WDR33: variants seen among roughly 807,000 people sequenced by gnomAD.
WDR33 encodes pre-mRNA 3' end processing protein WDR33.
A neutral mutation model predicts 164.9 loss-of-function variants in WDR33; 47 were observed. The ratio of observed to expected loss-of-function variants is 0.29; its 90% CI spans 0.23 to 0.36. WDR33 has a LOEUF of 0.36. Ranked by LOEUF, WDR33 falls within the 10% of genes least tolerant of loss-of-function variation. WDR33 has a pLI of 1.00. For missense variants in WDR33, 1,137 were observed against 1,754.1 expected, an observed-to-expected ratio of 0.65 and a Z score of 6.28; for synonymous variants, 505 against 589.0, an observed-to-expected ratio of 0.86 and a Z score of 2.06.
Position 127,722,845 on chromosome 2 carries a change from T to A in WDR33, c.1378+113A>T. On this transcript the variant is annotated intron_variant, in intron 13 of 21. Transcript: ENST00000322313. This position sits in a 1 kb window ranked among gnomAD's most constrained non-coding sequence, Gnocchi z 5.1. ...AGTATTATGTCATTTATATAATTTTTATCAACATTTCTCAACATAAATCAT... is the reference window on the plus strand; with the variant it reads ...AGTATTATGTCATTTATATAATTTTAATCAACATTTCTCAACATAAATCAT... The A allele has an allele frequency of 1.4e-6, 2 of 1,409,822 alleles. No homozygotes were observed. The highest frequency in any genetic ancestry group is 1.9e-6 in the Non-Finnish European group (2 of 1,044,050). 87.3% of individuals were successfully genotyped at this position (1,409,822 alleles called of 1,614,324 possible). A position where few individuals can be genotyped will look rare whatever the true frequency, so the allele number is the denominator to read the frequency against.
rs1198125286 is a variant in WDR33 at position 127,705,685 on chromosome 2, TA to T, written c.*637del. ...TTCCATCTGTCAGAGCATGTCTGAA[TA>T]AAAATTTGAACCTACTACAAACTAC... On this transcript the variant is annotated 3_prime_UTR_variant, in exon 22 of 22. Transcript: ENST00000322313. The surrounding 1 kb of genome is among the most constrained non-coding windows in gnomAD (Gnocchi z 4.5). 6.6e-6 allele frequency: 1 copy of T among 152,254 alleles called. No homozygotes were observed. Among genetic ancestry groups the T allele is most frequent in the East Asian group, 1.9e-4 (1 of 5,204 alleles). The allele number at this position is 152,254 out of a possible 1,614,324, so 9.4% of individuals were successfully genotyped here.
At chr2:127,804,048 G>A (rs1689348397) in intron 1 of WDR33, among the ~76,000 whole-genome samples, 1 of 152,154 alleles carries the variant, frequency 6.6e-6, no homozygotes, top group South Asian at 2.1e-4. Flanking sequence ...GGGACCGGGT[G>A]CGGTGGCTCA....
At chr2:127,774,545 T>C (rs1032197239) in intron 1 of WDR33, among the ~76,000 whole-genome samples, 8 of 152,048 alleles carry the variant, frequency 5.3e-5, no homozygotes, top group African/African-American at 1.9e-4. Context: ...AAAACCATTA[T>C]GCTGCCAGGC....
At chr2:127,736,252 C>A in intron 7 of WDR33, 3 of 985,348 alleles carry the variant, frequency 3.0e-6, no homozygotes, top group Non-Finnish European at 3.6e-6. Context: ...CAATGATGAA[C>A]CTGAATTCAG....
At position 127,709,777 on chromosome 2, in the gene WDR33, A is replaced by C. The variant is rs1334852134; in HGVS notation, c.3388T>G (p.Phe1130Val). 118 of 1,614,022 alleles carry C rather than the reference A, an allele frequency of 7.3e-5. No individual in the cohort carries two copies. Among genetic ancestry groups the C allele is most frequent in the Non-Finnish European group, 9.8e-5 (116 of 1,180,032 alleles). ...GRDGFPGPED[F>V]GPEENFDASE... ...GCATCAAAATTCTCCTCTGGACCAA[A>C]GTCTTCAGGACCAGGAAAACCATCC... The change falls in exon 19 of 22, where the codon TTT becomes GTT. Residue 1130 changes from phenylalanine to valine, a missense_variant. Phe to Val is a conservative substitution (Grantham distance 50, BLOSUM62 -1). Around this residue, in one of 9 missense-constraint regions of WDR33, gnomAD observed 867 missense variants for 1,073.0 expected, o/e 0.81. Coordinates refer to ENST00000322313, the MANE Select transcript of WDR33 (RefSeq NM_018383.5). The surrounding 1 kb of genome is among the most constrained non-coding windows in gnomAD (Gnocchi z 5.0).
rs1686365510 is a variant in WDR33 at position 127,719,215 on chromosome 2, G to A, written c.2760+50C>T. 2.2e-6 allele frequency: 3 copies of A among 1,386,142 alleles called. No homozygotes were observed. The highest frequency in any genetic ancestry group is 2.8e-6 in the Non-Finnish European group (3 of 1,071,696). 85.9% of individuals were successfully genotyped at this position (1,386,142 alleles called of 1,614,324 possible). On this transcript the variant is annotated intron_variant, in intron 16 of 21. Transcript: ENST00000322313. The surrounding 1 kb of genome is among the most constrained non-coding windows in gnomAD (Gnocchi z 6.5). Reference sequence around the variant, plus strand: ...CACAATACTCAGCAGTATTACTTCTGTGCAGAGTGTATTTTCCCAATGTGC... The same window carrying A: ...CACAATACTCAGCAGTATTACTTCTATGCAGAGTGTATTTTCCCAATGTGC...
chr2:127,746,583 C>T lies in WDR33; in HGVS notation c.724+16479G>A, dbSNP rs149997479. Among the ~76,000 whole-genome samples, 94 of 152,240 alleles carry T rather than the reference C, an allele frequency of 6.2e-4. 1 individual carries two copies. The East Asian group carries it at 0.013, about 21-fold the overall frequency. On this transcript the variant is annotated intron_variant, in intron 7 of 21. Coordinates refer to ENST00000322313, the MANE Select transcript of WDR33 (RefSeq NM_018383.5). ...GGTATCATTAGCTCTCCTTTACAGA[C>T]GAGGAGAGGCAAGCTGAGAAAGACT...
intron 7 of WDR33, among the ~76,000 whole-genome samples, chr2:127,747,184 A>G (rs186370608): frequency 3.3e-5 from 5 of 152,370 alleles, no homozygotes; most frequent in African/African-American, 1.2e-4. Flanking sequence ...ATTTAGACAC[A>G]GGCACAAATG....
rs995684519 is a variant in WDR33, at chr2:127,762,946, T to C, written c.724+116A>G. On this transcript the variant is annotated intron_variant, in intron 7 of 21. Coordinates refer to ENST00000322313, the MANE Select transcript of WDR33 (RefSeq NM_018383.5). ...TTTTTTTGAAGAGCCTGAGACGGTG[T>C]GTATATGTAAAAAAAATTGAATGGA... 15 of 1,525,962 alleles carry C rather than the reference T, an allele frequency of 9.8e-6. No homozygotes were observed. The Admixed American group carries it at 1.0e-4, about 10-fold the overall frequency. The allele number at this position is 1,525,962 out of a possible 1,614,324, so 94.5% of individuals were successfully genotyped here.
chr2:127,752,033 G>A (rs1345091741), intron 7 of WDR33, among the ~76,000 whole-genome samples: 1 of 152,134 alleles, frequency 6.6e-6, no homozygotes, highest in Non-Finnish European at 1.5e-5. Context: ...GTCCAAACAA[G>A]ACATTAGATT....
chr2:127,775,274 C>T (rs1179051989), intron 1 of WDR33, among the ~76,000 whole-genome samples: 1 of 152,294 alleles, frequency 6.6e-6, no homozygotes, highest in African/African-American at 2.4e-5. Flanking sequence ...CTGTAACCTC[C>T]GCCTCCCAGG....
Position 127,717,326 on chromosome 2 carries a change from T to A in WDR33, c.2761-63A>T. 7.5e-7 allele frequency: 1 copy of A among 1,339,800 alleles called. No homozygotes were observed. Among genetic ancestry groups the A allele is most frequent in the Non-Finnish European group, 1.0e-6 (1 of 997,518 alleles). The allele number at this position is 1,339,800 out of a possible 1,614,324, so 83.0% of individuals were successfully genotyped here. On this transcript the variant is annotated intron_variant, in intron 16 of 21. Transcript: ENST00000322313. This position sits in a 1 kb window ranked among gnomAD's most constrained non-coding sequence, Gnocchi z 5.6. ...AGGCTTGAGCTACATAAATAGTGAT[T>A]GCATTATAACATGACAAGATAAAAA... is the stretch of plus-strand genomic sequence containing the variant.
At chr2:127,765,030 T>A (rs747595382) in intron 5 of WDR33, 51 bp from the exon 6 acceptor site, 1 of 1,596,830 alleles carries the variant, frequency 6.3e-7, no homozygotes, top group African/African-American at 1.3e-5. Context: ...AAAGAATATA[T>A]GACTAAAGGC....
intron 18 of WDR33, among the ~76,000 whole-genome samples, chr2:127,711,780 A>ATATATATATAT: frequency 2.3e-5 from 2 of 88,320 alleles, no homozygotes; most frequent in East Asian, 5.7e-4. Context: ...ATATATATAT[A>ATATATATATAT]TTTTTTTTTT....
chr2:127,786,558 C>T lies in WDR33; in HGVS notation c.-23-15554G>A, dbSNP rs185185832. 3.9e-5 allele frequency among the ~76,000 whole-genome samples: 6 copies of T among 152,274 alleles called. No individual in the cohort carries two copies. In the East Asian group the frequency reaches 5.8e-4, roughly 15 times the overall value. On this transcript the variant is annotated intron_variant, in intron 1 of 21. Coordinates refer to ENST00000322313, the MANE Select transcript of WDR33 (RefSeq NM_018383.5). ...ATTAGCTGGGCATGGTGGTGCACAC[C>T]TGTGATCCCAGCTACACAGGAGGCT...
At chr2:127,780,588 G>A (rs1453927894) in intron 1 of WDR33, among the ~76,000 whole-genome samples, 2 of 152,208 alleles carry the variant, frequency 1.3e-5, no homozygotes, top group Admixed American at 6.5e-5. Context: ...TTTTGGCCAG[G>A]CACAGAGGCT....
rs183764704 is a variant in WDR33, at chr2:127,742,738, C to A, written c.725-15961G>T. ...TCTCCTAAGAATTCCGTAAGACAAG[C>A]AAAGACAATGGAAACAATCATCAAA... On this transcript the variant is annotated intron_variant, in intron 7 of 21. Coordinates refer to ENST00000322313, the MANE Select transcript of WDR33 (RefSeq NM_018383.5). Among the ~76,000 whole-genome samples the A allele has an allele frequency of 3.4e-4, 50 of 147,246 alleles. 1 individual carries two copies. In the East Asian group the frequency reaches 9.1e-3, roughly 27 times the overall value.
At position 127,702,290 on chromosome 2, in the gene WDR33, C is replaced by T; in HGVS notation, c.*4033G>A. ...GCGGAAGCCCGTGGCGAAGGCCCTG[C>T]CCTAACAGCCTGCGAGTCTAATCCG... On this transcript the variant is annotated 3_prime_UTR_variant, in exon 22 of 22. Transcript: ENST00000322313. 3 of 1,039,308 alleles carry T rather than the reference C, an allele frequency of 2.9e-6. No homozygotes were observed. Among genetic ancestry groups the T allele is most frequent in the Non-Finnish European group, 3.6e-6 (3 of 825,470 alleles). 64.4% of individuals were successfully genotyped at this position (1,039,308 alleles called of 1,614,324 possible). A position where few individuals can be genotyped will look rare whatever the true frequency, so the allele number is the denominator to read the frequency against.
chr2:127,709,540 C>A lies in WDR33; in HGVS notation c.3515G>T (p.Arg1172Leu). ...ATCTGGCTTCCGCCCTCCTTCAAAG[C>A]GAGGGAACTCGTCAGGAGTGGGAAG... ...GLLPTPDEFP[R>L]FEGGRKPDSW... Residue 1172 changes from arginine to leucine, a missense_variant, in exon 20 of 22, where the codon CGC becomes CTC. Around this residue, in one of 9 missense-constraint regions of WDR33, gnomAD observed 867 missense variants for 1,073.0 expected, o/e 0.81. Coordinates refer to ENST00000322313, the MANE Select transcript of WDR33 (RefSeq NM_018383.5). The surrounding 1 kb of genome is among the most constrained non-coding windows in gnomAD (Gnocchi z 5.0). 6.2e-7 allele frequency: 1 copy of A among 1,614,132 alleles called. No individual in the cohort carries two copies. Among genetic ancestry groups the A allele is most frequent in the Non-Finnish European group, 8.5e-7 (1 of 1,179,986 alleles).
Sources: gnomAD v4.1 joint callset for allele counts (sites outside exome capture counted in the v4.1 genomes callset) on GRCh38, gnomAD v4.1.1 for gene constraint, gnomAD v4.1.1 regional missense constraint, Gnocchi (gnomAD v3.1) non-coding constraint, MANE v1.5 for transcripts, NCBI Gene and HGNC (gene_info 2026-07-23, HGNC 2026-07-21) for gene names.